Variants in PRKAR1B observed in about 807,000 individuals in gnomAD.
PRKAR1B encodes cAMP-dependent protein kinase type I-beta regulatory subunit.
Under a neutral mutation model 46.5 loss-of-function variants are expected in PRKAR1B, and 22 were observed. The ratio of observed to expected loss-of-function variants is 0.47; its 90% CI spans 0.34 to 0.68. PRKAR1B has a LOEUF of 0.68. PRKAR1B is among the 30% of genes least tolerant of loss of function. PRKAR1B has a pLI of 0.01. For synonymous variants in PRKAR1B, 259 were observed against 217.7 expected (o/e 1.19, Z -1.67); for missense variants, 445 against 535.6 (o/e 0.83, Z 1.67).
chr7:728,932 G>T (rs1217958216), upstream of PRKAR1B, among the ~76,000 whole-genome samples: 1 of 151,536 alleles, frequency 6.6e-6, no homozygotes, highest in African/African-American at 2.4e-5. Context: ...TCCCAGACGG[G>T]CCCCAAGTAG....
intron 6 of PRKAR1B, among the ~76,000 whole-genome samples, chr7:603,722 CACCAGG>C: frequency 1.6e-5 from 2 of 126,956 alleles, no homozygotes; most frequent in African/African-American, 3.3e-5. Context: ...GAGGAGGTGA[CACCAGG>C]ATCCAGAGTG....
At chr7:592,227 G>A (rs1205420433) in intron 7 of PRKAR1B, among the ~76,000 whole-genome samples, 1 of 152,340 alleles carries the variant, frequency 6.6e-6, no homozygotes, top group East Asian at 1.9e-4. Flanking sequence ...GGTGCACACG[G>A]GCCCTCCCGG....
At chr7:615,721 G>A (rs560841818) in intron 4 of PRKAR1B, among the ~76,000 whole-genome samples, 127 of 150,346 alleles carry the variant, frequency 8.4e-4, no homozygotes, top group African/African-American at 2.8e-3. Flanking sequence ...CCAGCTACTC[G>A]GGAGGCTGAG....
chr7:698,518 G>C (rs1305421251), intron 2 of PRKAR1B, among the ~76,000 whole-genome samples: 2 of 152,042 alleles, frequency 1.3e-5, no homozygotes, highest in African/African-American at 4.8e-5. Flanking sequence ...GCGTGAGCAT[G>C]TGCACATATG....
intron 1 of PRKAR1B, among the ~76,000 whole-genome samples, chr7:725,742 T>C (rs1334336413): frequency 6.6e-6 from 1 of 152,142 alleles, no homozygotes; most frequent in Non-Finnish European, 1.5e-5. Flanking sequence ...GCCACAAGAT[T>C]CCAAACCTCC....
At chr7:619,650 C>G (rs1783007883) in intron 4 of PRKAR1B, among the ~76,000 whole-genome samples, 1 of 152,248 alleles carries the variant, frequency 6.6e-6, no homozygotes, top group Admixed American at 6.5e-5. Flanking sequence ...CACCTCCTCT[C>G]AGCTCTCGGC....
chr7:583,735 T>C (rs374852155), intron 8 of PRKAR1B, among the ~76,000 whole-genome samples: 1 of 148,462 alleles, frequency 6.7e-6, no homozygotes, highest in African/African-American at 2.5e-5. Context: ...TCTACACACA[T>C]GCACACACCC....
chr7:664,105 C>T (rs960881215), intron 4 of PRKAR1B, among the ~76,000 whole-genome samples: 1 of 152,146 alleles, frequency 6.6e-6, no homozygotes, highest in African/African-American at 2.4e-5. Flanking sequence ...CATGGAGGGC[C>T]CTCCCCACGC....
chr7:717,186 G>T (rs918943149), intron 1 of PRKAR1B, among the ~76,000 whole-genome samples: 1 of 152,054 alleles, frequency 6.6e-6, no homozygotes, highest in Non-Finnish European at 1.5e-5. Context: ...CTACTTGGGA[G>T]GCTGAGGCAG....
In PRKAR1B at chr7:672,544, C is replaced by T. The variant is rs1190512571; in HGVS notation, c.440+4685G>A. On this transcript the variant is annotated intron_variant, in intron 4 of 10. Coordinates refer to ENST00000537384, the MANE Select transcript of PRKAR1B (RefSeq NM_001164760.2). ...GAATATTTGAGCCAGAAAAAGAAAA[C>T]GTTGGATGGTCTTCATTACTGTTGC... Among the ~76,000 whole-genome samples, 3 of 152,070 alleles carry T rather than the reference C, an allele frequency of 2.0e-5. No homozygotes were observed. In the South Asian group the frequency reaches 6.2e-4, roughly 31 times the overall value.
intron 6 of PRKAR1B, 57 bp from the exon 7 acceptor site, chr7:596,361 C>T: frequency 6.4e-7 from 1 of 1,554,762 alleles, no homozygotes; most frequent in African/African-American, 1.3e-5. Context: ...ACCTCCTCTG[C>T]ATCCCATACA....
intron 2 of PRKAR1B, among the ~76,000 whole-genome samples, chr7:703,421 T>A (rs1380970942): frequency 6.6e-6 from 1 of 151,896 alleles, no homozygotes; most frequent in Non-Finnish European, 1.5e-5. Context: ...TTGAGGTGGG[T>A]GGATCACGAG....
intron 7 of PRKAR1B, among the ~76,000 whole-genome samples, chr7:591,240 C>T (rs534859208): frequency 1.2e-4 from 19 of 152,320 alleles, no homozygotes; most frequent in African/African-American, 4.1e-4. Flanking sequence ...CTGAGACGGT[C>T]GGTGAGGCAG....
chr7:599,121 A>G (rs1261290705), intron 6 of PRKAR1B, among the ~76,000 whole-genome samples: 1 of 152,120 alleles, frequency 6.6e-6, no homozygotes, highest in African/African-American at 2.4e-5. Flanking sequence ...CCTCAGAGGA[A>G]GCCATTGTGC....
chr7:688,516 C>T (rs1020127527), intron 2 of PRKAR1B, among the ~76,000 whole-genome samples: 1 of 152,166 alleles, frequency 6.6e-6, no homozygotes, highest in Admixed American at 6.6e-5. Flanking sequence ...CAAGGCCCTG[C>T]GTGATCTGCC....
chr7:609,516 C>T (rs1404728831), intron 4 of PRKAR1B, among the ~76,000 whole-genome samples: 1 of 152,198 alleles, frequency 6.6e-6, no homozygotes, highest in Non-Finnish European at 1.5e-5. Context: ...GCTGCCTCCA[C>T]CACCCTTGCT....
chr7:579,382 C>T lies in PRKAR1B; in HGVS notation c.770-5G>A, dbSNP rs368980987. 32 of 1,613,110 alleles carry T rather than the reference C, an allele frequency of 2.0e-5. No homozygotes were observed. In the East Asian group the frequency reaches 3.6e-4, roughly 18 times the overall value. On this transcript the variant is annotated splice_region_variant and splice_polypyrimidine_tract_variant and intron_variant, in intron 8 of 10. Transcript: ENST00000537384. ...GCTCCCACTTCTCCAGGGACTCTGT[C>T]GGGGGAGGATGAGGACAGGTCATCC... is the stretch of plus-strand genomic sequence containing the variant.
intron 9 of PRKAR1B, among the ~76,000 whole-genome samples, chr7:554,103 C>T (rs138471475): frequency 0.019 from 2,952 of 152,364 alleles, 85 homozygotes; most frequent in African/African-American, 0.067. Context: ...AGGCCAGACC[C>T]GGGCACAGCT....
chr7:685,493 A>G (rs1779048172), intron 2 of PRKAR1B, among the ~76,000 whole-genome samples: 1 of 149,486 alleles, frequency 6.7e-6, no homozygotes, highest in Admixed American at 6.7e-5. Context: ...GTCAGAAATA[A>G]AAGAAAAATT....
Sources: allele counts gnomAD v4.1 joint callset (sites outside exome capture counted in the v4.1 genomes callset), GRCh38; gene constraint gnomAD v4.1.1; transcripts MANE v1.5; gene names NCBI Gene and HGNC (gene_info 2026-07-23, HGNC 2026-07-21).